The following PPP4R4 variants were observed in gnomAD, a reference collection of about 807,000 sequenced individuals.
PPP4R4 encodes the protein protein phosphatase 4 regulatory subunit 4.
In PPP4R4, 70 loss-of-function variants were observed where a neutral mutation model predicts 121.8. The observed-to-expected ratio is 0.57, with a 90% CI of 0.47 to 0.70. The LOEUF (loss-of-function observed/expected upper bound fraction) is 0.70. Ranked by LOEUF, PPP4R4 falls within the 30% of genes least tolerant of loss-of-function variation. The probability of loss-of-function intolerance (pLI) is 0.00; values close to 1 mark genes in which losing one functional copy is unlikely to be tolerated. For missense variants in PPP4R4, 875 were observed against 1,033.6 expected, an observed-to-expected ratio of 0.85 and a Z score of 2.10; for synonymous variants, 348 against 355.7, an observed-to-expected ratio of 0.98 and a Z score of 0.24.
intron 2 of PPP4R4, among the ~76,000 whole-genome samples, chr14:94,177,189 A>C (rs1370751629): frequency 6.6e-6 from 1 of 152,188 alleles, no homozygotes; most frequent in African/African-American, 2.4e-5. Flanking sequence ...CATATTTACC[A>C]TGTAGACCAT....
At chr14:94,188,461 T>C (rs955781948) in intron 2 of PPP4R4, among the ~76,000 whole-genome samples, 6 of 152,186 alleles carry the variant, frequency 3.9e-5, no homozygotes, top group Non-Finnish European at 8.8e-5. Context: ...CCTTGTATTC[T>C]GTTACACTGC....
In PPP4R4 at chr14:94,251,832, T is replaced by C; in HGVS notation, c.1801T>C (p.Phe601Leu). The part of the protein sequence containing the change: ...EFIIEIFSKS[F>L]FCKYFFLPAI... ...TATTATAGAGATATTTTCAAAATCA[T>C]TTTTCTGTAAATATTTCTTTCTACC... Residue 601 changes from phenylalanine (F) to leucine (L), a missense_variant, in exon 16 of 25, where the codon TTT becomes CTT. By Grantham distance (22) the Phe-to-Leu change is conservative. Transcript: ENST00000304338. The C allele has an allele frequency of 6.3e-7, 1 of 1,599,046 alleles. No individual in the cohort carries two copies. The highest frequency in any genetic ancestry group is 1.7e-5 in the Admixed American group (1 of 58,472).
chr14:94,245,017 TTC>T (rs2139580107), intron 12 of PPP4R4, among the ~76,000 whole-genome samples: 1 of 152,264 alleles, frequency 6.6e-6, no homozygotes, highest in African/African-American at 2.4e-5. Context: ...ACTATTTGTT[TTC>T]TTTTTCTTTT....
chr14:94,233,892 G>A (rs1892188939), intron 6 of PPP4R4, 133 bp downstream of exon 6: 3 of 624,650 alleles, frequency 4.8e-6, no homozygotes, highest in Non-Finnish European at 8.2e-6. Flanking sequence ...TAACTTTATG[G>A]AATTCTCATG....
At chr14:94,233,037 G>C (rs1225741335) in intron 5 of PPP4R4, among the ~76,000 whole-genome samples, 1 of 149,110 alleles carries the variant, frequency 6.7e-6, no homozygotes, top group African/African-American at 2.5e-5. Context: ...CAGCCTGGGC[G>C]ACAGAGCGAG....
At chr14:94,176,206 T>C (rs1441922835) in intron 2 of PPP4R4, 79 bp downstream of exon 2, 1 of 1,204,738 alleles carries the variant, frequency 8.3e-7, no homozygotes, top group Non-Finnish European at 1.2e-6. Flanking sequence ...AAATGTATGT[T>C]CGCGTTATGT....
chr14:94,238,238 T>G (rs74074151), intron 8 of PPP4R4, among the ~76,000 whole-genome samples: 17,528 of 152,272 alleles, frequency 0.12, 1,200 homozygotes, highest in African/African-American at 0.19. Flanking sequence ...CTTAAAGATT[T>G]CACCTTCCAG....
At chr14:94,275,220 C>T (rs1894567622) in intron 23 of PPP4R4, among the ~76,000 whole-genome samples, 154 bp from the exon 24 acceptor site, 1 of 152,082 alleles carries the variant, frequency 6.6e-6, no homozygotes, top group Non-Finnish European at 1.5e-5. Flanking sequence ...TATGTCAAAA[C>T]CTTAACTTTT....
intron 2 of PPP4R4, among the ~76,000 whole-genome samples, chr14:94,198,779 T>C (rs1049375134): frequency 3.3e-5 from 5 of 152,240 alleles, no homozygotes; most frequent in African/African-American, 1.2e-4. Context: ...TTGAAAAGAT[T>C]ATCATCTCCT....
At chr14:94,203,662 T>G (rs1195749627) in intron 2 of PPP4R4, among the ~76,000 whole-genome samples, 1 of 152,230 alleles carries the variant, frequency 6.6e-6, no homozygotes, top group African/African-American at 2.4e-5. Context: ...CTATACCGGC[T>G]TACATTCCTA....
At chr14:94,261,813 T>G (rs1030012922) in intron 19 of PPP4R4, among the ~76,000 whole-genome samples, 5 of 152,072 alleles carry the variant, frequency 3.3e-5, no homozygotes, top group Non-Finnish European at 7.4e-5. Context: ...TATTTGATTT[T>G]TCTCCTTCAT....
chr14:94,241,662 A>G (rs1266357795), intron 9 of PPP4R4, 126 bp from the exon 10 acceptor site: 1 of 687,918 alleles, frequency 1.5e-6, no homozygotes, highest in African/African-American at 1.8e-5. Flanking sequence ...CCTTTTATTT[A>G]TAAAGTATCT....
intron 2 of PPP4R4, among the ~76,000 whole-genome samples, chr14:94,182,279 C>T (rs192111370): frequency 2.4e-4 from 36 of 152,180 alleles, no homozygotes; most frequent in East Asian, 9.6e-4. Context: ...TTTTTTAACG[C>T]GAACTTTGAA....
At position 94,256,600 on chromosome 14, in the gene PPP4R4, A is replaced by G. The variant is rs780523213; in HGVS notation, c.2006A>G (p.Lys669Arg). Residue 669 changes from lysine (K) to arginine (R), a missense_variant, in exon 17 of 25, where the codon AAA (lysine) becomes AGA (arginine). Transcript: ENST00000304338. ...GATAAAGATGTTCTGGCTATTGTAA[A>G]AAGAGTAAGTATCACTCTTGCCACA... ...EKDKDVLAIV[K>R]RTVLELDRME... is the part of the protein sequence containing the mutation. The G allele has an allele frequency of 3.7e-6, 6 of 1,602,746 alleles. No homozygotes were observed. In the Admixed American group the frequency reaches 1.0e-4, roughly 27 times the overall value.
At chr14:94,214,572 A>G (rs1342063873) in intron 3 of PPP4R4, among the ~76,000 whole-genome samples, 1 of 151,874 alleles carries the variant, frequency 6.6e-6, no homozygotes, top group East Asian at 1.9e-4. Context: ...TCCTAATATG[A>G]TTATTTATTA....
At chr14:94,204,268 GT>G (rs1050713421) in intron 2 of PPP4R4, among the ~76,000 whole-genome samples, 14 of 150,796 alleles carry the variant, frequency 9.3e-5, no homozygotes, top group Non-Finnish European at 1.3e-4. Context: ...GGTCATGTCA[GT>G]TTTTTTTTGT....
Position 94,265,903 on chromosome 14 carries a change from C to T in PPP4R4, c.2378+16C>T, listed in dbSNP as rs539158548. Reference sequence around the variant, plus strand: ...AATGTGCTAGGTACGATCTGTAAGCCCTTCAATTTTTAACATAATTTTTAT... The same window carrying T: ...AATGTGCTAGGTACGATCTGTAAGCTCTTCAATTTTTAACATAATTTTTAT... On this transcript the variant is annotated intron_variant, in intron 22 of 24. Coordinates refer to ENST00000304338, the MANE Select transcript of PPP4R4 (RefSeq NM_058237.2). 8.9e-6 allele frequency: 13 copies of T among 1,458,418 alleles called. No homozygotes were observed. The East Asian group carries it at 3.0e-4, about 34-fold the overall frequency. 90.3% of individuals were successfully genotyped at this position (1,458,418 alleles called of 1,614,324 possible). A position where few individuals can be genotyped will look rare whatever the true frequency, so the allele number is the denominator to read the frequency against.
chr14:94,206,936 G>A (rs1047376594), intron 2 of PPP4R4, among the ~76,000 whole-genome samples: 2 of 152,006 alleles, frequency 1.3e-5, no homozygotes, highest in Non-Finnish European at 2.9e-5. Flanking sequence ...ATCCATTCTT[G>A]CCTATTCCAA....
chr14:94,252,631 A>G (rs1893247347), intron 16 of PPP4R4, among the ~76,000 whole-genome samples: 1 of 152,196 alleles, frequency 6.6e-6, no homozygotes, highest in Non-Finnish European at 1.5e-5. Context: ...AATAGAATGA[A>G]AAGAATGTTA....
Sources: gnomAD v4.1 joint callset for allele counts (sites outside exome capture counted in the v4.1 genomes callset) on GRCh38, gnomAD v4.1.1 for gene constraint, MANE v1.5 for transcripts, NCBI Gene and HGNC (gene_info 2026-07-23, HGNC 2026-07-21) for gene names.